The following ABCA13 variants were observed in gnomAD, a reference collection of about 807,000 sequenced individuals.
ABCA13 encodes ATP-binding cassette sub-family A member 13.
In ABCA13, 476 loss-of-function variants were observed where a neutral mutation model predicts 478.7. That is an observed-to-expected ratio of 0.99 (90% CI 0.92 to 1.07). The LOEUF is 1.07. Among genes scored for constraint, ABCA13 ranks in the 50% least tolerant of loss-of-function variants. The probability of loss-of-function intolerance (pLI) is 0.00; values close to 1 mark genes in which losing one functional copy is unlikely to be tolerated. For synonymous variants in ABCA13, 2,252 were observed against 2,158.9 expected (o/e 1.04, Z -1.20); for missense variants, 6,060 against 5,910.6 (o/e 1.03, Z -0.83).
rs145419735 is a variant in ABCA13, at chr7:48,309,950, C to A, written c.9325C>A (p.Leu3109Ile). 6.2e-7 allele frequency: 1 copy of A among 1,613,866 alleles called. No homozygotes were observed. The highest frequency in any genetic ancestry group is 8.5e-7 in the Non-Finnish European group (1 of 1,179,776). ...LEANISHSKV[L>I]FSALTVALSG... is the part of the protein sequence containing the mutation. ...TAATCTCTGTGCTTTGAAACAGGTTCTCTTCAGTGCCCTCACCGTAGCTCT... is the reference window on the plus strand; with the variant it reads ...TAATCTCTGTGCTTTGAAACAGGTTATCTTCAGTGCCCTCACCGTAGCTCT... Residue 3109 changes from leucine to isoleucine, a missense_variant, in exon 24 of 62, where the codon CTC (leucine) becomes ATC (isoleucine). By Grantham distance (5) the Leu-to-Ile change is conservative (BLOSUM62 2). This residue lies in a region of ABCA13 where 4,423 missense variants were observed against 4,309.1 expected (regional missense o/e 1.03). Transcript: ENST00000435803.
chr7:48,245,621 CA>C lies in ABCA13; in HGVS notation c.1491+11del. 6.3e-7 allele frequency: 1 copy of C among 1,596,272 alleles called. No homozygotes were observed. The highest frequency in any genetic ancestry group is 1.1e-5 in the South Asian group (1 of 87,142). On this transcript the variant is annotated intron_variant, in intron 12 of 61. Coordinates refer to ENST00000435803, the MANE Select transcript of ABCA13 (RefSeq NM_152701.5). ...TTTGGGAGCTGAAACAGGTAAAGCA[CA>C]ACAAATAATTATAAATAAGCATTTT...
chr7:48,634,001 A>C (rs1794429152), intron 59 of ABCA13, among the ~76,000 whole-genome samples: 1 of 151,496 alleles, frequency 6.6e-6, no homozygotes. Flanking sequence ...ATGTAAATAA[A>C]ATAAAAATCA....
At chr7:48,449,448 A>G (rs1386611382) in intron 42 of ABCA13, among the ~76,000 whole-genome samples, 2 of 152,186 alleles carry the variant, frequency 1.3e-5, no homozygotes, top group Non-Finnish European at 2.9e-5. Context: ...AGCTTTATAT[A>G]TACCAGAACA....
chr7:48,371,690 T>C (rs1295229384), intron 32 of ABCA13, among the ~76,000 whole-genome samples: 4 of 152,214 alleles, frequency 2.6e-5, no homozygotes, highest in African/African-American at 9.6e-5. Flanking sequence ...ACTTTTGGGC[T>C]GAGACGATGG....
At position 48,643,167 on chromosome 7, in the gene ABCA13, A is replaced by G. The variant is rs1207449239; in HGVS notation, c.14838-121A>G. On this transcript the variant is annotated intron_variant, in intron 59 of 61. Coordinates refer to ENST00000435803, the MANE Select transcript of ABCA13 (RefSeq NM_152701.5). ...TTCTGTGTCTTATATTGAGAATCCA[A>G]ACTCCCAACAATTTGGAGTAATTAC... is the stretch of plus-strand genomic sequence containing the variant. 11 of 637,704 alleles carry G rather than the reference A, an allele frequency of 1.7e-5. No homozygotes were observed. In the African/African-American group the frequency reaches 1.8e-4, roughly 11 times the overall value. 39.5% of individuals were successfully genotyped at this position (637,704 alleles called of 1,614,324 possible).
chr7:48,190,902 C>T (rs1797018043), intron 1 of ABCA13, among the ~76,000 whole-genome samples: 1 of 151,874 alleles, frequency 6.6e-6, no homozygotes, highest in Non-Finnish European at 1.5e-5. Flanking sequence ...TTTATAATGT[C>T]AAAAGTTATA....
At chr7:48,421,405 T>C (rs768746368) in intron 41 of ABCA13, among the ~76,000 whole-genome samples, 1 of 152,264 alleles carries the variant, frequency 6.6e-6, no homozygotes, top group Non-Finnish European at 1.5e-5. Flanking sequence ...TTTACCCCAT[T>C]GACCTATTTA....
intron 38 of ABCA13, among the ~76,000 whole-genome samples, chr7:48,400,353 G>A (rs1223379606): frequency 6.6e-6 from 1 of 152,206 alleles, no homozygotes; most frequent in Non-Finnish European, 1.5e-5. Context: ...GATGATTAAA[G>A]AGCAGCATCT....
chr7:48,615,895 A>T (rs1792522449), intron 59 of ABCA13, among the ~76,000 whole-genome samples: 1 of 152,158 alleles, frequency 6.6e-6, no homozygotes, highest in African/African-American at 2.4e-5. Flanking sequence ...TCCTGTGCTC[A>T]TTGATCCTTT....
chr7:48,334,840 G>T (rs1805991112), intron 27 of ABCA13, among the ~76,000 whole-genome samples: 1 of 152,148 alleles, frequency 6.6e-6, no homozygotes, highest in African/African-American at 2.4e-5. Context: ...TATTGCAATA[G>T]ACATCTTCAT....
chr7:48,302,316 C>G (rs1800258344), intron 23 of ABCA13, among the ~76,000 whole-genome samples: 1 of 152,110 alleles, frequency 6.6e-6, no homozygotes, highest in African/African-American at 2.4e-5. Context: ...CTAATTTTGG[C>G]AAAATATTTT....
chr7:48,489,150 A>G, intron 47 of ABCA13, 86 bp from the exon 48 acceptor site: 1 of 1,129,308 alleles, frequency 8.9e-7, no homozygotes, highest in Non-Finnish European at 1.3e-6. Context: ...TAATTGACAC[A>G]TACGTTCCTT....
chr7:48,300,370 C>G (rs528877376), intron 23 of ABCA13, among the ~76,000 whole-genome samples: 2 of 152,334 alleles, frequency 1.3e-5, no homozygotes, highest in South Asian at 4.1e-4. Flanking sequence ...AAAACTTGGG[C>G]TCAAAGCCCG....
chr7:48,439,081 C>T lies in ABCA13; in HGVS notation c.12565+11210C>T, dbSNP rs1823238382. The stretch of plus-strand genomic sequence containing the variant: ...TTTTCTATTGCTATTAATAAATTAC[C>T]ATCAACAGAACAGATTAAAACAATA... On this transcript the variant is annotated intron_variant, in intron 42 of 61. Coordinates refer to ENST00000435803, the MANE Select transcript of ABCA13 (RefSeq NM_152701.5). Among the ~76,000 whole-genome samples, 2 of 151,980 alleles carry T rather than the reference C, an allele frequency of 1.3e-5. 1 individual carries two copies. Among genetic ancestry groups the T allele is most frequent in the South Asian group, 4.1e-4 (2 of 4,824 alleles).
In ABCA13 at chr7:48,269,106, G is replaced by A. The variant is rs1243239860; in HGVS notation, c.2120+12G>A. The A allele has an allele frequency of 2.9e-6, 4 of 1,386,230 alleles. No homozygotes were observed. Among genetic ancestry groups the A allele is most frequent in the Non-Finnish European group, 4.1e-6 (4 of 977,876 alleles). The allele number at this position is 1,386,230 out of a possible 1,614,324, so 85.9% of individuals were successfully genotyped here. A position where few individuals can be genotyped will look rare whatever the true frequency, so the allele number is the denominator to read the frequency against. On this transcript the variant is annotated intron_variant, in intron 16 of 61. Transcript: ENST00000435803. Reference sequence around the variant, plus strand: ...GCTTCCATATCCAGGTAAGTTATCAGAATCCAACTTCTAGGTCTTGATTTA... The same window carrying A: ...GCTTCCATATCCAGGTAAGTTATCAAAATCCAACTTCTAGGTCTTGATTTA...
chr7:48,549,464 A>G (rs1238445671), intron 55 of ABCA13, among the ~76,000 whole-genome samples: 1 of 151,810 alleles, frequency 6.6e-6, no homozygotes, highest in African/African-American at 2.4e-5. Context: ...CCAGTCTATC[A>G]TTGATGGGCA....
At position 48,249,536 on chromosome 7, in the gene ABCA13, G is replaced by T. The variant is rs536725704; in HGVS notation, c.2005+185G>T. On this transcript the variant is annotated intron_variant, in intron 15 of 61. Transcript: ENST00000435803. ...TCATCAATTATGACAAGACTTACCA[G>T]AAGTCCTGGTTTGACTGAGCTACAT... 3.3e-5 allele frequency among the ~76,000 whole-genome samples: 5 copies of T among 152,278 alleles called. No individual in the cohort carries two copies. In the South Asian group the frequency reaches 1.0e-3, roughly 32 times the overall value.
chr7:48,225,888 AT>A lies in ABCA13; in HGVS notation c.469-1365del, dbSNP rs112378304. ...AAGCACTGAATTTGGCTGGGGATAG[AT>A]TTTTTTTTCTTTTGCCAGTGGAATA... is the stretch of plus-strand genomic sequence containing the variant. On this transcript the variant is annotated intron_variant, in intron 5 of 61. Transcript: ENST00000435803. Among the ~76,000 whole-genome samples, 4 of 151,586 alleles carry A rather than the reference AT, an allele frequency of 2.6e-5. 1 individual carries two copies. The highest frequency in any genetic ancestry group is 7.3e-5 in the African/African-American group (3 of 41,304).
chr7:48,310,240 C>A (rs1801570203), intron 24 of ABCA13, 99 bp downstream of exon 24: 2 of 1,305,838 alleles, frequency 1.5e-6, no homozygotes, highest in Non-Finnish European at 1.1e-6. Flanking sequence ...AGTGGGAGAT[C>A]AGCACCTGGC....
Sources: allele counts gnomAD v4.1 joint callset (sites outside exome capture counted in the v4.1 genomes callset), GRCh38; gene constraint gnomAD v4.1.1; regional missense constraint gnomAD v4.1.1; transcripts MANE v1.5; gene names NCBI Gene and HGNC (gene_info 2026-07-23, HGNC 2026-07-21).